Variants in PDCD11 observed in about 807,000 individuals in gnomAD.
PDCD11 encodes protein RRP5 homolog.
In PDCD11, 97 loss-of-function variants were observed where a neutral mutation model predicts 198.9. The observed-to-expected ratio is 0.49, with a 90% CI of 0.41 to 0.58. PDCD11 has a LOEUF of 0.58. Among genes scored for constraint, PDCD11 ranks in the 20% least tolerant of loss-of-function variants. The pLI, the probability that PDCD11 is intolerant of heterozygous loss-of-function variation, is 0.00. For synonymous variants in PDCD11, 893 were observed against 918.0 expected (o/e 0.97, Z 0.49); for missense variants, 2,102 against 2,312.7 (o/e 0.91, Z 1.87).
In PDCD11 at chr10:103,406,795, G is replaced by C; in HGVS notation, c.870+5G>C. 1 of 1,601,828 alleles carries C rather than the reference G, an allele frequency of 6.2e-7. No homozygotes were observed. Among genetic ancestry groups the C allele is most frequent in the Non-Finnish European group, 8.5e-7 (1 of 1,173,308 alleles). Reference sequence around the variant, plus strand: ...GTCAAAGCTCAGGTACAGAAGGTAAGCTGTTATGCTACTACTACTTTTTAA... The same window carrying C: ...GTCAAAGCTCAGGTACAGAAGGTAACCTGTTATGCTACTACTACTTTTTAA... On this transcript the variant is annotated splice_donor_5th_base_variant and intron_variant, in intron 7 of 35. Coordinates refer to ENST00000369797, the MANE Select transcript of PDCD11 (RefSeq NM_014976.2).
chr10:103,399,368 G>A, intron 2 of PDCD11, among the ~76,000 whole-genome samples: 1 of 151,910 alleles, frequency 6.6e-6, no homozygotes, highest in East Asian at 1.9e-4. Context: ...TGTTATTTTT[G>A]TTGTTGTTTT....
Position 103,413,985 on chromosome 10 carries a change from C to A in PDCD11, c.1205C>A (p.Ser402Tyr). The A allele has an allele frequency of 6.2e-7, 1 of 1,612,608 alleles. No individual in the cohort carries two copies. The highest frequency in any genetic ancestry group is 8.5e-7 in the Non-Finnish European group (1 of 1,179,398). Residue 402 changes from serine to tyrosine, a missense_variant, in exon 10 of 36, where the codon TCT becomes TAT. Coordinates refer to ENST00000369797, the MANE Select transcript of PDCD11 (RefSeq NM_014976.2). ...AYARLSHLSD[S>Y]KNVFNPEAFK... The stretch of plus-strand genomic sequence containing the variant: ...TTGCAGCTCAGCCATCTCTCTGATT[C>A]TAAGAACGTCTTCAATCCTGAGGCC...
At position 103,444,014 on chromosome 10, in the gene PDCD11, G is replaced by A. The variant is rs775312634; in HGVS notation, c.5224G>A (p.Ala1742Thr). The A allele has an allele frequency of 1.2e-6, 2 of 1,612,984 alleles. No individual in the cohort carries two copies. The highest frequency in any genetic ancestry group is 2.2e-5 in the East Asian group (1 of 44,894). Residue 1742 changes from alanine to threonine, a missense_variant, in exon 34 of 36, where the codon GCA becomes ACA. Transcript: ENST00000369797. ...CTTCCTTCTGCGGAGGAGCCAGGCTGCAGCCAGTCACCGCGTGCTGCAGCG... is the reference window on the plus strand; with the variant it reads ...CTTCCTTCTGCGGAGGAGCCAGGCTACAGCCAGTCACCGCGTGCTGCAGCG... ...GAFLLRRSQA[A>T]ASHRVLQRAL... is the part of the protein sequence containing the mutation.
rs573034248 is a variant in PDCD11, at chr10:103,425,377, G to T, written c.3157G>T (p.Val1053Leu). 6.2e-7 allele frequency: 1 copy of T among 1,614,144 alleles called. No individual in the cohort carries two copies. The highest frequency in any genetic ancestry group is 1.1e-5 in the South Asian group (1 of 91,084). ...VKSIKPTHVV[V>L]TLEDGIIGCI... is the part of the protein sequence containing the mutation. ...GTCCATTAAGCCTACCCATGTGGTT[G>T]TGACTCTGGAAGATGGCATTATTGG... Residue 1053 changes from valine (V) to leucine (L), a missense_variant, in exon 20 of 36, where the codon GTG becomes TTG. Transcript: ENST00000369797.
At chr10:103,414,388 C>T (rs2030984414) in intron 11 of PDCD11, 58 bp downstream of exon 11, 20 of 1,256,658 alleles carry the variant, frequency 1.6e-5, no homozygotes, top group Middle Eastern at 1.9e-4. Context: ...CTTTAGTTCA[C>T]GCACAGGTGA....
rs775529740 is a variant in PDCD11, at chr10:103,416,602, C to A, written c.1630C>A (p.Gln544Lys). 3.7e-6 allele frequency: 6 copies of A among 1,614,084 alleles called. No homozygotes were observed. The change falls in exon 13 of 36, where the codon CAG (glutamine) becomes AAG (lysine). Residue 544 changes from glutamine to lysine, a missense_variant. Coordinates refer to ENST00000369797, the MANE Select transcript of PDCD11 (RefSeq NM_014976.2). ...CTATGCCGATGCCAAGCCTGGTCTG[C>A]AGACACATGGCTTCATCATCAGGGT... ...TCYADAKPGLQTHGFIIRVKD... is the reference protein window; with the variant it reads ...TCYADAKPGLKTHGFIIRVKD...
rs1221696621 is a variant in PDCD11 at position 103,418,671 on chromosome 10, G to T, written c.2106+37G>T. 7 of 1,536,246 alleles carry T rather than the reference G, an allele frequency of 4.6e-6. No homozygotes were observed. In the South Asian group the frequency reaches 4.6e-5, roughly 10 times the overall value. On this transcript the variant is annotated intron_variant, in intron 15 of 35. Coordinates refer to ENST00000369797, the MANE Select transcript of PDCD11 (RefSeq NM_014976.2). ...TGGTATCTGTGGAGCAGAGGAAGGTGGGGGGCCATGGGTGCTTGGATGGGA... is the reference window on the plus strand; with the variant it reads ...TGGTATCTGTGGAGCAGAGGAAGGTTGGGGGCCATGGGTGCTTGGATGGGA...
intron 25 of PDCD11, among the ~76,000 whole-genome samples, chr10:103,435,710 G>A (rs562618283): frequency 6.6e-6 from 1 of 152,146 alleles, no homozygotes; most frequent in African/African-American, 2.4e-5. Flanking sequence ...ACTAGGTTTC[G>A]CCATGTCGGT....
intron 22 of PDCD11, among the ~76,000 whole-genome samples, chr10:103,432,774 T>C (rs1342821634): frequency 6.6e-6 from 1 of 152,240 alleles, no homozygotes; most frequent in Non-Finnish European, 1.5e-5. Context: ...CTCTGATGCT[T>C]GATCCCTTCA....
intron 20 of PDCD11, among the ~76,000 whole-genome samples, chr10:103,426,928 C>CAAAAA (rs1017044267): frequency 1.5e-4 from 19 of 129,694 alleles, no homozygotes; most frequent in South Asian, 2.5e-4. Flanking sequence ...CCCATCTCTA[C>CAAAAA]AAAAAAAAAA....
chr10:103,428,286 CAA>C (rs1177833526), intron 21 of PDCD11, among the ~76,000 whole-genome samples: 1 of 144,710 alleles, frequency 6.9e-6, no homozygotes, highest in Admixed American at 7.0e-5. Flanking sequence ...GCCTGGGCAA[CAA>C]GAGCGAAAGC....
chr10:103,411,647 C>T (rs2030814912), intron 8 of PDCD11, among the ~76,000 whole-genome samples: 1 of 152,080 alleles, frequency 6.6e-6, no homozygotes, highest in African/African-American at 2.4e-5. Context: ...GATTAGCCTC[C>T]TAAAGTGCTG....
At chr10:103,429,714 A>G (rs1019711871) in intron 21 of PDCD11, among the ~76,000 whole-genome samples, 2 of 152,200 alleles carry the variant, frequency 1.3e-5, no homozygotes, top group Admixed American at 1.3e-4. Flanking sequence ...TGCATTGTTA[A>G]CTAAATGCAT....
chr10:103,409,667 T>C, intron 7 of PDCD11, 32 bp from the exon 8 acceptor site: 2 of 1,515,938 alleles, frequency 1.3e-6, no homozygotes, highest in Non-Finnish European at 1.8e-6. Flanking sequence ...TTCAAAGAAC[T>C]TTTTTTTATA....
Position 103,442,347 on chromosome 10 carries a change from C to T in PDCD11, c.4842C>T (p.Ser1614=), listed in dbSNP as rs777613544. ...ATGATTTTGACCGACTGGTGCTGAG[C>T]TCCCCCAACAGCTCCATTCTGTGGC... The part of the protein sequence containing the change: ...SADDFDRLVL[S]SPNSSILWLQ... The change falls in exon 32 of 36, where the codon AGC becomes AGT. Residue 1614 remains serine (S), a synonymous_variant. Transcript: ENST00000369797. The T allele has an allele frequency of 1.2e-6, 2 of 1,614,216 alleles. No individual in the cohort carries two copies. Among genetic ancestry groups the T allele is most frequent in the Non-Finnish European group, 1.7e-6 (2 of 1,180,040 alleles).
At chr10:103,441,239 G>T (rs2032372630) in intron 30 of PDCD11, among the ~76,000 whole-genome samples, 1 of 152,110 alleles carries the variant, frequency 6.6e-6, no homozygotes, top group South Asian at 2.1e-4. Flanking sequence ...TCATCTCTCT[G>T]TCCCAGCTCT....
rs1243547982 is a variant in PDCD11, at chr10:103,416,472, G to A, written c.1519-19G>A. 1.2e-6 allele frequency: 2 copies of A among 1,612,746 alleles called. No individual in the cohort carries two copies. Among genetic ancestry groups the A allele is most frequent in the African/African-American group, 1.3e-5 (1 of 74,880 alleles). ...CATGATAACAGATAACTTGATGACAGCCTGTGTCCCTCCCCTAGGTTTTGC... is the reference window on the plus strand; with the variant it reads ...CATGATAACAGATAACTTGATGACAACCTGTGTCCCTCCCCTAGGTTTTGC... On this transcript the variant is annotated intron_variant, in intron 12 of 35. Coordinates refer to ENST00000369797, the MANE Select transcript of PDCD11 (RefSeq NM_014976.2).
At chr10:103,407,788 G>A (rs570890607) in intron 7 of PDCD11, among the ~76,000 whole-genome samples, 2 of 151,648 alleles carry the variant, frequency 1.3e-5, no homozygotes, top group Admixed American at 1.3e-4. Flanking sequence ...GCGTGATCTC[G>A]GGTCACTGCA....
chr10:103,443,066 A>G lies in PDCD11; in HGVS notation c.4956-99A>G, dbSNP rs963832607. On this transcript the variant is annotated intron_variant, in intron 32 of 35. Coordinates refer to ENST00000369797, the MANE Select transcript of PDCD11 (RefSeq NM_014976.2). ...TGGGGTGGGATCTGAGGACACAGAT[A>G]GAGGCTGGGAGGGGGAGGTGGTTCC... 5.7e-6 allele frequency: 6 copies of G among 1,053,392 alleles called. No homozygotes were observed. The African/African-American group carries it at 9.6e-5, about 17-fold the overall frequency. 65.3% of individuals were successfully genotyped at this position (1,053,392 alleles called of 1,614,324 possible).
Sources: gnomAD v4.1 joint callset for allele counts (sites outside exome capture counted in the v4.1 genomes callset) on GRCh38, gnomAD v4.1.1 for gene constraint, MANE v1.5 for transcripts, NCBI Gene and HGNC (gene_info 2026-07-23, HGNC 2026-07-21) for gene names.